KDM4D: variants seen among roughly 807,000 people sequenced by gnomAD.
KDM4D encodes the protein lysine demethylase 4D.
For missense variants in KDM4D, 427 were observed against 674.8 expected, an observed-to-expected ratio of 0.63 and a Z score of 4.07; for synonymous variants, 254 against 249.1, an observed-to-expected ratio of 1.02 and a Z score of -0.19.
rs587743543 is a variant in KDM4D at position 94,976,308 on chromosome 11, T to A, written c.-350+560T>A. Reference sequence around the variant, plus strand: ...TCCCACATTCCCCTTTCTTCAAGTCTACATGCCTCTTTCACCTCCTTTTCC... The same window carrying A: ...TCCCACATTCCCCTTTCTTCAAGTCAACATGCCTCTTTCACCTCCTTTTCC... On this transcript the variant is annotated intron_variant, in intron 2 of 2. Coordinates refer to ENST00000335080, the MANE Select transcript of KDM4D (RefSeq NM_018039.3). Among the ~76,000 whole-genome samples the A allele has an allele frequency of 7.9e-5, 12 of 152,322 alleles. No individual in the cohort carries two copies. In the South Asian group the frequency reaches 2.5e-3, roughly 32 times the overall value.
chr11:94,998,780 C>G lies in KDM4D; in HGVS notation c.1408C>G (p.Pro470Ala), dbSNP rs782047226. 14 of 1,609,280 alleles carry G rather than the reference C, an allele frequency of 8.7e-6. No homozygotes were observed. The highest frequency in any genetic ancestry group is 1.7e-5 in the Admixed American group (1 of 59,802). ...LRAQELTLQT[P>A]AKRPLLAGTT... ...AGCTCAGGAGCTGACCCTCCAGACT[C>G]CAGCCAAGAGGCCCCTCTTGGCGGG... The change falls in exon 3 of 3, where the codon CCA (proline) becomes GCA (alanine). Residue 470 changes from proline to alanine, a missense_variant. Pro to Ala is a conservative substitution (Grantham distance 27). Coordinates refer to ENST00000335080, the MANE Select transcript of KDM4D (RefSeq NM_018039.3). The surrounding 1 kb of genome is among the most constrained non-coding windows in gnomAD (Gnocchi z 6.7).
In KDM4D at chr11:94,998,916, C is replaced by G; in HGVS notation, c.1544C>G (p.Ser515Cys). ...SPGLQHPVKA[S>C]GCSWAPVP ...GGGCTCCAGCATCCTGTCAAGGCTT[C>G]TGGGTGCAGCTGGGCCCCTGTGCCC... is the stretch of plus-strand genomic sequence containing the variant. The change falls in exon 3 of 3, where the codon TCT (serine) becomes TGT (cysteine). Residue 515 changes from serine to cysteine, a missense_variant. Transcript: ENST00000335080. This position sits in a 1 kb window ranked among gnomAD's most constrained non-coding sequence, Gnocchi z 6.7. 7.9e-6 allele frequency: 12 copies of G among 1,512,328 alleles called. No homozygotes were observed. The highest frequency in any genetic ancestry group is 1.1e-5 in the Non-Finnish European group (12 of 1,130,312). 93.7% of individuals were successfully genotyped at this position (1,512,328 alleles called of 1,614,324 possible).
chr11:94,997,844 G>A lies in KDM4D; in HGVS notation c.472G>A (p.Gly158Arg). ...TAAACAATGGAATCTTGGGCACCTGGGAACAATTCAGGACCTGCTGGAAAA... is the reference window on the plus strand; with the variant it reads ...TAAACAATGGAATCTTGGGCACCTGAGAACAATTCAGGACCTGCTGGAAAA... The part of the protein sequence containing the change: ...NTKQWNLGHL[G>R]TIQDLLEKEC... The change falls in exon 3 of 3, where the codon GGA becomes AGA. Residue 158 changes from glycine (G) to arginine (R), a missense_variant. Gly to Arg is a moderately radical substitution (Grantham distance 125). Coordinates refer to ENST00000335080, the MANE Select transcript of KDM4D (RefSeq NM_018039.3). 3.1e-6 allele frequency: 5 copies of A among 1,614,226 alleles called. No individual in the cohort carries two copies. In the East Asian group the frequency reaches 1.1e-4, roughly 36 times the overall value.
chr11:94,987,424 G>C (rs187875707), intron 2 of KDM4D, among the ~76,000 whole-genome samples: 1 of 152,020 alleles, frequency 6.6e-6, no homozygotes, highest in Non-Finnish European at 1.5e-5. Flanking sequence ...ACAAAAACTC[G>C]GACACCACAA....
intron 2 of KDM4D, among the ~76,000 whole-genome samples, chr11:94,990,186 T>C (rs1445905565): frequency 6.6e-6 from 1 of 152,228 alleles, no homozygotes; most frequent in African/African-American, 2.4e-5. Flanking sequence ...TTAAGGCAAG[T>C]GCCCATTAGA....
intron 2 of KDM4D, among the ~76,000 whole-genome samples, chr11:94,983,272 TA>T (rs34326231): frequency 0.047 from 6,555 of 139,420 alleles, 175 homozygotes; most frequent in Admixed American, 0.11. Context: ...CTGGATTTCT[TA>T]AAAAAAAAAA....
chr11:94,991,299 G>A (rs1168126214), intron 2 of KDM4D, among the ~76,000 whole-genome samples: 3 of 151,980 alleles, frequency 2.0e-5, no homozygotes, highest in Non-Finnish European at 4.4e-5. Flanking sequence ...TTTATATAAG[G>A]CAATTACTAA....
At chr11:94,981,288 TC>T (rs1857840524) in intron 2 of KDM4D, among the ~76,000 whole-genome samples, 1 of 152,098 alleles carries the variant, frequency 6.6e-6, no homozygotes, top group African/African-American at 2.4e-5. Flanking sequence ...TTAGGATTTT[TC>T]CATCTATGTT....
At chr11:94,986,506 G>T (rs587622154) in intron 2 of KDM4D, among the ~76,000 whole-genome samples, 427 of 152,096 alleles carry the variant, frequency 2.8e-3, no homozygotes, top group Non-Finnish European at 4.7e-3. Context: ...TGAGGCAGGG[G>T]GATTACCTGA....
intron 2 of KDM4D, among the ~76,000 whole-genome samples, chr11:94,988,145 G>C (rs924517863): frequency 5.3e-5 from 8 of 152,136 alleles, no homozygotes; most frequent in African/African-American, 1.9e-4. Flanking sequence ...AGGAACAGAA[G>C]AATATGCTAA....
intron 2 of KDM4D, among the ~76,000 whole-genome samples, chr11:94,994,357 C>T (rs1367373075): frequency 1.3e-5 from 2 of 152,028 alleles, no homozygotes; most frequent in East Asian, 3.9e-4. Flanking sequence ...AGAAGGAGAG[C>T]AGAAGCTTAG....
At position 94,997,435 on chromosome 11, in the gene KDM4D, T is replaced by C; in HGVS notation, c.63T>C (p.Phe21=). Residue 21 remains phenylalanine (F), a synonymous_variant, in exon 3 of 3, where the codon TTT becomes TTC. Coordinates refer to ENST00000335080, the MANE Select transcript of KDM4D (RefSeq NM_018039.3). ...ATCCAAATTGTAACATAATGATATT[T>C]CATCCAACCAAAGAAGAGTTTAATG... ...AQNPNCNIMI[F]HPTKEEFNDF... The C allele has an allele frequency of 6.2e-7, 1 of 1,613,356 alleles. No individual in the cohort carries two copies. Among genetic ancestry groups the C allele is most frequent in the Non-Finnish European group, 8.5e-7 (1 of 1,179,528 alleles).
In KDM4D at chr11:94,997,443, C is replaced by T; in HGVS notation, c.71C>T (p.Thr24Ile). The T allele has an allele frequency of 6.2e-7, 1 of 1,613,466 alleles. No individual in the cohort carries two copies. The highest frequency in any genetic ancestry group is 8.5e-7 in the Non-Finnish European group (1 of 1,179,582). Reference sequence around the variant, plus strand: ...TGTAACATAATGATATTTCATCCAACCAAAGAAGAGTTTAATGATTTTGAT... The same window carrying T: ...TGTAACATAATGATATTTCATCCAATCAAAGAAGAGTTTAATGATTTTGAT... ...PNCNIMIFHP[T>I]KEEFNDFDKY... is the part of the protein sequence containing the mutation. The change falls in exon 3 of 3, where the codon ACC becomes ATC. Residue 24 changes from threonine (T) to isoleucine (I), a missense_variant. Coordinates refer to ENST00000335080, the MANE Select transcript of KDM4D (RefSeq NM_018039.3).
chr11:94,979,058 G>A (rs1303073691), intron 2 of KDM4D, among the ~76,000 whole-genome samples: 1 of 152,082 alleles, frequency 6.6e-6, no homozygotes, highest in East Asian at 1.9e-4. Flanking sequence ...ACATATATGT[G>A]TGCATTATAT....
chr11:94,975,042 A>G (rs982387414), intron 1 of KDM4D, among the ~76,000 whole-genome samples: 7 of 152,236 alleles, frequency 4.6e-5, no homozygotes, highest in South Asian at 2.1e-4. Context: ...TTCACTTCCA[A>G]TCAGTCACTC....
chr11:94,996,285 GAT>G (rs1391392079), intron 2 of KDM4D, among the ~76,000 whole-genome samples: 3 of 152,088 alleles, frequency 2.0e-5, no homozygotes, highest in South Asian at 2.1e-4. Context: ...GAGTTATTCT[GAT>G]GGGTATGAAA....
chr11:94,990,088 G>A (rs1178179496), intron 2 of KDM4D, among the ~76,000 whole-genome samples: 1 of 152,164 alleles, frequency 6.6e-6, no homozygotes, highest in Non-Finnish European at 1.5e-5. Flanking sequence ...CAGCTTATGA[G>A]GAAAGGTCTG....
In KDM4D at chr11:94,998,913, C is replaced by G. The variant is rs782103673; in HGVS notation, c.1541C>G (p.Ala514Gly). ...LSPGLQHPVK[A>G]SGCSWAPVP ...CCAGGGCTCCAGCATCCTGTCAAGG[C>G]TTCTGGGTGCAGCTGGGCCCCTGTG... Residue 514 changes from alanine to glycine, a missense_variant, in exon 3 of 3, where the codon GCT becomes GGT. Physicochemically the swap from Ala to Gly is moderately conservative, Grantham distance 60. Coordinates refer to ENST00000335080, the MANE Select transcript of KDM4D (RefSeq NM_018039.3). The surrounding 1 kb of genome is among the most constrained non-coding windows in gnomAD (Gnocchi z 6.7). 8.6e-6 allele frequency: 13 copies of G among 1,513,446 alleles called. No individual in the cohort carries two copies. The highest frequency in any genetic ancestry group is 1.1e-5 in the Non-Finnish European group (12 of 1,130,900). The allele number at this position is 1,513,446 out of a possible 1,614,324, so 93.8% of individuals were successfully genotyped here. A position where few individuals can be genotyped will look rare whatever the true frequency, so the allele number is the denominator to read the frequency against.
chr11:94,979,119 G>C (rs1857822839), intron 2 of KDM4D, among the ~76,000 whole-genome samples: 1 of 152,120 alleles, frequency 6.6e-6, no homozygotes, highest in Admixed American at 6.5e-5. Context: ...ACTGTAATCA[G>C]AGCAGAATAT....
Sources: gnomAD v4.1 joint callset for allele counts (sites outside exome capture counted in the v4.1 genomes callset) on GRCh38, gnomAD v4.1.1 for gene constraint, Gnocchi (gnomAD v3.1) non-coding constraint, MANE v1.5 for transcripts, NCBI Gene and HGNC (gene_info 2026-07-23, HGNC 2026-07-21) for gene names.